Variants in SSB observed in about 807,000 individuals in gnomAD.
SSB encodes lupus La protein.
A neutral mutation model predicts 52.9 loss-of-function variants in SSB; 17 were observed. That is an observed-to-expected ratio of 0.32 (90% CI 0.22 to 0.48). The LOEUF is 0.48. Ranked by LOEUF, SSB falls within the 20% of genes least tolerant of loss-of-function variation. The pLI is 0.99. For synonymous variants in SSB, 111 were observed against 152.1 expected (o/e 0.73, Z 1.99); for missense variants, 314 against 463.6 (o/e 0.68, Z 2.96).
At chr2:169,809,035 C>T (rs773382095) in intron 8 of SSB, 133 bp downstream of exon 8, 6 of 746,828 alleles carry the variant, frequency 8.0e-6, no homozygotes, top group Admixed American at 7.8e-5. Flanking sequence ...AGTAATACAT[C>T]AGGTATTATA....
chr2:169,807,147 G>A (rs1689846844), intron 6 of SSB, 76 bp downstream of exon 6: 21 of 1,224,144 alleles, frequency 1.7e-5, no homozygotes, highest in Non-Finnish European at 2.1e-5. Context: ...CATGGAAGTA[G>A]TATCCCCTGA....
chr2:169,800,898 ATTC>A lies in SSB; in HGVS notation c.-9-51_-9-49del, dbSNP rs1433858126. On this transcript the variant is annotated intron_variant, in intron 1 of 11. Coordinates refer to ENST00000260956, the MANE Select transcript of SSB (RefSeq NM_003142.5). Reference sequence around the variant, plus strand: ...AATACTTTGTAAACATTATCTTTCTATTCTTGAGTTTTATATAAAAAATAACTT... The same window carrying A: ...AATACTTTGTAAACATTATCTTTCTATTGAGTTTTATATAAAAAATAACTT... 3.0e-6 allele frequency: 4 copies of A among 1,328,188 alleles called. No individual in the cohort carries two copies. The Admixed American group carries it at 9.2e-5, about 31-fold the overall frequency. The allele number at this position is 1,328,188 out of a possible 1,614,324, so 82.3% of individuals were successfully genotyped here.
intron 7 of SSB, 44 bp from the exon 8 acceptor site, chr2:169,808,816 A>T: frequency 7.1e-7 from 1 of 1,408,818 alleles, no homozygotes; most frequent in Non-Finnish European, 9.9e-7. Context: ...TAATTTTCTT[A>T]TATAGTAAAT....
At chr2:169,811,609 G>A in intron 11 of SSB, 59 bp from the exon 12 acceptor site, 1 of 1,573,518 alleles carries the variant, frequency 6.4e-7, no homozygotes, top group East Asian at 2.2e-5. Flanking sequence ...ATTGTGCTCA[G>A]TATTAAACTA....
rs80025629 is a variant in SSB at position 169,802,049 on chromosome 2, T to TA, written c.66+1024dup. Among the ~76,000 whole-genome samples the TA allele has an allele frequency of 4.9e-4, 75 of 152,154 alleles. No individual in the cohort carries two copies. In the East Asian group the frequency reaches 0.013, roughly 27 times the overall value. Reference sequence around the variant, plus strand: ...AATTTTAAAAATTAGCTGAGTGTGTTAGCAGTTTACCTGTAGTCCTAGCTA... The same window carrying TA: ...AATTTTAAAAATTAGCTGAGTGTGTTAAGCAGTTTACCTGTAGTCCTAGCTA... On this transcript the variant is annotated intron_variant, in intron 2 of 11. Transcript: ENST00000260956.
At position 169,811,306 on chromosome 2, in the gene SSB, A is replaced by G; in HGVS notation, c.1121A>G (p.Asp374Gly). Residue 374 changes from aspartate to glycine, a missense_variant, in exon 11 of 12, where the codon GAT becomes GGT. Physicochemically the swap from Asp to Gly is moderately conservative, Grantham distance 94. Coordinates refer to ENST00000260956, the MANE Select transcript of SSB (RefSeq NM_003142.5). ...AGTGATGATGAACATGATGAACATG[A>G]TGAAAATGGTGCAACTGGTAAGTTT... ...FASDDEHDEH[D>G]ENGATGPVKR... The G allele has an allele frequency of 6.3e-7, 1 of 1,590,330 alleles. No homozygotes were observed. Among genetic ancestry groups the G allele is most frequent in the Non-Finnish European group, 8.5e-7 (1 of 1,172,940 alleles).
chr2:169,799,248 G>A (rs1465581450), intron 1 of SSB: 1 of 150,246 alleles, frequency 6.7e-6, no homozygotes, highest in Non-Finnish European at 1.5e-5. Flanking sequence ...CTTAGAGACG[G>A]GACTGTGGCT....
chr2:169,808,704 A>G, intron 7 of SSB, 151 bp downstream of exon 7: 2 of 986,102 alleles, frequency 2.0e-6, no homozygotes, highest in East Asian at 2.6e-5. Flanking sequence ...CTCAGGGCCA[A>G]ATTGCATTGC....
rs1300613573 is a variant in SSB, at chr2:169,805,253, G to C, written c.67-221G>C. ...AATCTTTAAATATATTCTTCTTTAA[G>C]GTTTTCTAGTCTATTGACACATCTG... On this transcript the variant is annotated intron_variant, in intron 2 of 11. Transcript: ENST00000260956. 2.6e-5 allele frequency among the ~76,000 whole-genome samples: 4 copies of C among 152,002 alleles called. No homozygotes were observed. The East Asian group carries it at 7.7e-4, about 29-fold the overall frequency.
intron 6 of SSB, among the ~76,000 whole-genome samples, chr2:169,807,971 A>C (rs1414561397): frequency 6.6e-6 from 1 of 152,132 alleles, no homozygotes; most frequent in Non-Finnish European, 1.5e-5. Flanking sequence ...TCATAGTATC[A>C]GTGTTAAATC....
chr2:169,804,756 G>C (rs961382552), intron 2 of SSB, among the ~76,000 whole-genome samples: 22 of 151,928 alleles, frequency 1.4e-4, no homozygotes, highest in African/African-American at 5.3e-4. Context: ...ATGTCGGCCA[G>C]GGTGGTCTCA....
rs1689874606 is a variant in SSB at position 169,808,471 on chromosome 2, G to A, written c.555-11G>A. The A allele has an allele frequency of 6.2e-7, 1 of 1,611,424 alleles. No individual in the cohort carries two copies. Among genetic ancestry groups the A allele is most frequent in the Non-Finnish European group, 8.5e-7 (1 of 1,177,754 alleles). ...CTCGTGAACTTAGCCTCTGTACTGTGTGTTCTTTAGGGACGATTACTTTGC... is the reference window on the plus strand; with the variant it reads ...CTCGTGAACTTAGCCTCTGTACTGTATGTTCTTTAGGGACGATTACTTTGC... On this transcript the variant is annotated splice_polypyrimidine_tract_variant and intron_variant, in intron 6 of 11. Coordinates refer to ENST00000260956, the MANE Select transcript of SSB (RefSeq NM_003142.5).
chr2:169,804,240 C>CTTTTTTTTTTTTT (rs11447613), intron 2 of SSB, among the ~76,000 whole-genome samples: 1 of 95,314 alleles, frequency 1.0e-5, no homozygotes, highest in Non-Finnish European at 1.9e-5. Flanking sequence ...TTTACTTTAA[C>CTTTTTTTTTTTTT]TTTTTTTTTT....
At chr2:169,808,589 T>A in intron 7 of SSB, 36 bp downstream of exon 7, 1 of 1,553,938 alleles carries the variant, frequency 6.4e-7, no homozygotes, top group Non-Finnish European at 8.9e-7. Context: ...ATAATTTGAA[T>A]TCCTTAAAGC....
At chr2:169,806,936 ATAACT>A (rs1485225503) in intron 5 of SSB, 30 bp from the exon 6 acceptor site, 3 of 1,610,432 alleles carry the variant, frequency 1.9e-6, no homozygotes, top group African/African-American at 2.7e-5. Flanking sequence ...TATATGGGAC[ATAACT>A]TAAAAAAATA....
intron 2 of SSB, among the ~76,000 whole-genome samples, chr2:169,801,519 T>G (rs1004891739): frequency 7.1e-6 from 1 of 141,640 alleles, no homozygotes; most frequent in Non-Finnish European, 1.5e-5. Context: ...GTTTTTTTTT[T>G]TTTTTTTTTT....
rs1373812706 is a variant in SSB, at chr2:169,812,037, AATATATACT to A, written c.*286_*294del. ...TGTATTAGTACAAACTAACTAATAA[AATATATACT>A]ATATGAAAAGAGCAAAAACAGTTTT... On this transcript the variant is annotated 3_prime_UTR_variant, in exon 12 of 12. Coordinates refer to ENST00000260956, the MANE Select transcript of SSB (RefSeq NM_003142.5). 7 of 704,116 alleles carry A rather than the reference AATATATACT, an allele frequency of 9.9e-6. No individual in the cohort carries two copies. The highest frequency in any genetic ancestry group is 2.3e-6 in the Non-Finnish European group (1 of 430,328). 43.6% of individuals were successfully genotyped at this position (704,116 alleles called of 1,614,324 possible). A position where few individuals can be genotyped will look rare whatever the true frequency, so the allele number is the denominator to read the frequency against.
chr2:169,810,796 A>G, intron 9 of SSB, 62 bp from the exon 10 acceptor site: 1 of 1,511,082 alleles, frequency 6.6e-7, no homozygotes, highest in South Asian at 1.3e-5. Context: ...ACTTTGGACA[A>G]AGAAATTAAT....
chr2:169,799,990 A>T (rs1558968322), intron 1 of SSB, among the ~76,000 whole-genome samples: 1 of 152,228 alleles, frequency 6.6e-6, no homozygotes, highest in East Asian at 1.9e-4. Flanking sequence ...CTAATAGCAC[A>T]GCTTCCTTTT....
Sources: gnomAD v4.1 joint callset for allele counts (sites outside exome capture counted in the v4.1 genomes callset) on GRCh38, gnomAD v4.1.1 for gene constraint, MANE v1.5 for transcripts, NCBI Gene and HGNC (gene_info 2026-07-23, HGNC 2026-07-21) for gene names.